The following ZBTB40 variants were observed in gnomAD, a reference collection of about 807,000 sequenced individuals.
ZBTB40 encodes zinc finger and BTB domain containing 40.
A neutral mutation model predicts 117.5 loss-of-function variants in ZBTB40; 60 were observed. The ratio of observed to expected loss-of-function variants is 0.51; its 90% CI spans 0.41 to 0.63. The LOEUF (loss-of-function observed/expected upper bound fraction) is 0.63. Ranked by LOEUF, ZBTB40 falls within the 30% of genes least tolerant of loss-of-function variation. The pLI is 0.00. For missense variants in ZBTB40, 1,287 were observed against 1,498.5 expected (o/e 0.86, Z 2.33); for synonymous variants, 525 against 577.1 (o/e 0.91, Z 1.29).
rs2235885 is a variant in ZBTB40 at position 22,529,304 on chromosome 1, A to T, written c.*2908A>T. 177 of 152,184 alleles carry T rather than the reference A, an allele frequency of 1.2e-3. 1 individual carries two copies. In the East Asian group the frequency reaches 0.026, roughly 23 times the overall value. 9.4% of individuals were successfully genotyped at this position (152,184 alleles called of 1,614,324 possible). The stretch of plus-strand genomic sequence containing the variant: ...GCTGCCCTTATGGCCTCTGGACTGA[A>T]CTCTGGGGCCTTTGGGGTGGTGTGA... On this transcript the variant is annotated 3_prime_UTR_variant, in exon 18 of 18. Coordinates refer to ENST00000375647, the MANE Select transcript of ZBTB40 (RefSeq NM_014870.4).
In ZBTB40 at chr1:22,517,633, C is replaced by G. The variant is rs571617789; in HGVS notation, c.2833+169C>G. On this transcript the variant is annotated intron_variant, in intron 13 of 17. Transcript: ENST00000375647. ...CCCTCATTCCTAGTTCAGGAAGAAT[C>G]TCATTTTAAGGTATCTCATATAACG... 2.8e-4 allele frequency: 223 copies of G among 801,598 alleles called. 1 individual carries two copies. In the African/African-American group the frequency reaches 3.5e-3, roughly 13 times the overall value. The allele number at this position is 801,598 out of a possible 1,614,324, so 49.7% of individuals were successfully genotyped here.
At chr1:22,441,980 C>G (rs1256690299) in intron 1 of ZBTB40, among the ~76,000 whole-genome samples, 5 of 151,996 alleles carry the variant, frequency 3.3e-5, no homozygotes, top group Non-Finnish European at 7.4e-5. Context: ...CATTTTCATT[C>G]TTCTCTAAGT....
chr1:22,491,376 T>G, intron 2 of ZBTB40, 24 bp from the exon 3 acceptor site: 10 of 1,612,602 alleles, frequency 6.2e-6, no homozygotes, highest in Middle Eastern at 1.8e-4. Context: ...ATTTCTGATT[T>G]GTTTTATTTT....
In ZBTB40 at chr1:22,526,238, C is replaced by G; in HGVS notation, c.3562C>G (p.Gln1188Glu). ...CCCAGAGCCGGTGGCCCCGACAGAG[C>G]AGGTGATCACTTTGGAGGAGACCCA... The part of the protein sequence containing the change: ...QTPEPVAPTE[Q>E]VITLEETQLA... The change falls in exon 18 of 18, where the codon CAG becomes GAG. Residue 1188 changes from glutamine to glutamate, a missense_variant. Gln to Glu is a conservative substitution (Grantham distance 29). Coordinates refer to ENST00000375647, the MANE Select transcript of ZBTB40 (RefSeq NM_014870.4). The G allele has an allele frequency of 6.2e-7, 1 of 1,614,202 alleles. No individual in the cohort carries two copies.
In ZBTB40 at chr1:22,526,760, G is replaced by A. The variant is rs761397; in HGVS notation, c.*364G>A. On this transcript the variant is annotated 3_prime_UTR_variant, in exon 18 of 18. Coordinates refer to ENST00000375647, the MANE Select transcript of ZBTB40 (RefSeq NM_014870.4). ...GGTACCCCAGGAGGCATGATGTGCC[G>A]ACAGCGCTCAGTGGGCAGAATGGCA... 678 of 336,658 alleles carry A rather than the reference G, an allele frequency of 2.0e-3. 6 individuals carry two copies. Among genetic ancestry groups the A allele is most frequent in the African/African-American group, 0.014 (640 of 46,858 alleles). The allele number at this position is 336,658 out of a possible 1,614,324, so 20.9% of individuals were successfully genotyped here.
chr1:22,478,134 T>G (rs528982573), intron 1 of ZBTB40, among the ~76,000 whole-genome samples: 1 of 152,364 alleles, frequency 6.6e-6, no homozygotes, highest in East Asian at 1.9e-4. Flanking sequence ...TGGATTACAG[T>G]GTTTAACAGT....
At chr1:22,526,158 CTG>C in intron 17 of ZBTB40, 42 bp from the exon 18 acceptor site, 1 of 1,608,532 alleles carries the variant, frequency 6.2e-7, no homozygotes, top group Non-Finnish European at 8.5e-7. Context: ...AGGGAGCCAA[CTG>C]TGAACACTGC....
Position 22,527,357 on chromosome 1 carries a change from C to A in ZBTB40, c.*961C>A, listed in dbSNP as rs533038413. ...GGCTCTGCTGCCGCCCACTCCCTGC[C>A]TTGTGAGTGGCCTGCTGCCTCACCT... On this transcript the variant is annotated 3_prime_UTR_variant, in exon 18 of 18. Coordinates refer to ENST00000375647, the MANE Select transcript of ZBTB40 (RefSeq NM_014870.4). 10 of 152,494 alleles carry A rather than the reference C, an allele frequency of 6.6e-5. No individual in the cohort carries two copies. In the East Asian group the frequency reaches 1.5e-3, roughly 23 times the overall value. 9.4% of individuals were successfully genotyped at this position (152,494 alleles called of 1,614,324 possible). A position where few individuals can be genotyped will look rare whatever the true frequency, so the allele number is the denominator to read the frequency against.
chr1:22,491,929 C>T (rs2124432624), intron 3 of ZBTB40, among the ~76,000 whole-genome samples: 1 of 152,236 alleles, frequency 6.6e-6, no homozygotes, highest in Non-Finnish European at 1.5e-5. Context: ...TTTATATAAA[C>T]TTATAAATTA....
intron 1 of ZBTB40, among the ~76,000 whole-genome samples, chr1:22,431,384 G>GTGTATATATATA (rs1222294324): frequency 4.6e-4 from 55 of 119,692 alleles, no homozygotes; most frequent in African/African-American, 1.4e-3. Context: ...GTGTGTGTGT[G>GTGTATATATATA]TATATATATA....
chr1:22,487,307 G>T (rs749943192), intron 1 of ZBTB40, among the ~76,000 whole-genome samples: 22 of 152,210 alleles, frequency 1.4e-4, no homozygotes, highest in Non-Finnish European at 2.6e-4. Context: ...AGTGGAAAGA[G>T]AATCATCCAT....
chr1:22,514,235 A>G (rs1426357553), intron 12 of ZBTB40, among the ~76,000 whole-genome samples: 4 of 152,212 alleles, frequency 2.6e-5, no homozygotes, highest in Non-Finnish European at 5.9e-5. Flanking sequence ...TATAAATTAT[A>G]AGGTAACCAT....
intron 1 of ZBTB40, among the ~76,000 whole-genome samples, chr1:22,460,086 A>G (rs1040717092): frequency 2.6e-5 from 4 of 152,066 alleles, no homozygotes; most frequent in Non-Finnish European, 4.4e-5. Context: ...AGCTCATCCT[A>G]TTATATTGTT....
intron 1 of ZBTB40, among the ~76,000 whole-genome samples, chr1:22,468,517 G>A (rs1450125312): frequency 1.8e-5 from 2 of 108,184 alleles, no homozygotes; most frequent in East Asian, 2.6e-4. Flanking sequence ...GCTCTGTTGC[G>A]TATGCTGGAG....
chr1:22,521,193 T>C (rs1639514374), intron 14 of ZBTB40, among the ~76,000 whole-genome samples: 3 of 152,212 alleles, frequency 2.0e-5, no homozygotes, highest in African/African-American at 7.2e-5. Context: ...CCCCTCGGTG[T>C]CTCCGCTTCC....
At chr1:22,522,277 A>G in intron 15 of ZBTB40, 100 bp from the exon 16 acceptor site, 1 of 1,065,652 alleles carries the variant, frequency 9.4e-7, no homozygotes, top group Middle Eastern at 2.0e-4. Context: ...ATGCTTGCTA[A>G]GTATTGGCCA....
intron 3 of ZBTB40, among the ~76,000 whole-genome samples, chr1:22,492,042 A>G (rs950462663): frequency 2.0e-5 from 3 of 152,214 alleles, no homozygotes; most frequent in African/African-American, 7.2e-5. Context: ...TAAGCTTGGC[A>G]TATGTGTTAC....
At chr1:22,432,306 A>G (rs1288630148) in intron 1 of ZBTB40, among the ~76,000 whole-genome samples, 2 of 152,140 alleles carry the variant, frequency 1.3e-5, no homozygotes, top group African/African-American at 4.8e-5. Flanking sequence ...CTCCCCAATG[A>G]GGTCTGCATC....
chr1:22,467,869 G>A (rs1641294991), intron 1 of ZBTB40, among the ~76,000 whole-genome samples: 1 of 151,324 alleles, frequency 6.6e-6, no homozygotes, highest in Non-Finnish European at 1.5e-5. Flanking sequence ...CAAGGCAGGA[G>A]GATCCCTTGA....
Sources: allele counts gnomAD v4.1 joint callset (sites outside exome capture counted in the v4.1 genomes callset), GRCh38; gene constraint gnomAD v4.1.1; transcripts MANE v1.5; gene names NCBI Gene and HGNC (gene_info 2026-07-23, HGNC 2026-07-21).